PCLO: variants seen among roughly 807,000 people sequenced by gnomAD.
PCLO encodes protein piccolo.
Under a neutral mutation model 427.5 loss-of-function variants are expected in PCLO, and 82 were observed. The ratio of observed to expected loss-of-function variants is 0.19; its 90% confidence interval spans 0.16 to 0.23. PCLO has a LOEUF of 0.23. Among genes scored for constraint, PCLO ranks in the 10% least tolerant of loss-of-function variants. The probability of loss-of-function intolerance (pLI) is 1.00; values close to 1 mark genes in which losing one functional copy is unlikely to be tolerated. For missense variants in PCLO, 6,239 were observed against 6,115.9 expected, an observed-to-expected ratio of 1.02 and a Z score of -0.67; for synonymous variants, 2,357 against 2,155.4, an observed-to-expected ratio of 1.09 and a Z score of -2.59.
chr7:82,877,789 C>G (rs1220996759), intron 10 of PCLO, among the ~76,000 whole-genome samples: 1 of 152,130 alleles, frequency 6.6e-6, no homozygotes, highest in Non-Finnish European at 1.5e-5. Context: ...CCTCAGCCTC[C>G]CGAATAGCTG....
rs546537613 is a variant in PCLO, at chr7:82,949,553, T to C, written c.11035A>G (p.Met3679Val). ...GGACTCAGAGGCTTGGGGTCAGACA[T>C]AGAACGCTGCATCATCTTGGCTGTC... Reference protein sequence around the residue: ...PKTAKMMQRSMSDPKPLSPTA... With the variant: ...PKTAKMMQRSVSDPKPLSPTA... The change falls in exon 6 of 25, where the codon ATG becomes GTG. Residue 3679 changes from methionine to valine, a missense_variant. Met to Val is a conservative substitution (Grantham distance 21). Transcript: ENST00000333891. The C allele has an allele frequency of 9.3e-6, 15 of 1,613,884 alleles. No individual in the cohort carries two copies. The highest frequency in any genetic ancestry group is 5.3e-5 in the African/African-American group (4 of 75,028).
intron 3 of PCLO, among the ~76,000 whole-genome samples, chr7:83,074,443 A>G (rs569712344): frequency 2.0e-5 from 3 of 152,168 alleles, no homozygotes; most frequent in East Asian, 3.9e-4. Context: ...GTGAGGCCCA[A>G]TTATGTAAAA....
intron 8 of PCLO, among the ~76,000 whole-genome samples, chr7:82,903,723 A>T (rs17156824): frequency 0.026 from 3,881 of 152,060 alleles, 186 homozygotes; most frequent in African/African-American, 0.088. Flanking sequence ...CTTAAATTAC[A>T]ACCAAAATAA....
At chr7:82,838,485 G>C in intron 14 of PCLO, 143 bp from the exon 15 acceptor site, 1 of 542,668 alleles carries the variant, frequency 1.8e-6, no homozygotes, top group Non-Finnish European at 3.2e-6. Flanking sequence ...AAACAGACCA[G>C]TTAATGTCTA....
chr7:83,012,066 T>A (rs1324911623), intron 3 of PCLO, among the ~76,000 whole-genome samples: 2 of 152,130 alleles, frequency 1.3e-5, no homozygotes, highest in Non-Finnish European at 2.9e-5. Context: ...ACACTATTTT[T>A]AAAAACTCAC....
intron 3 of PCLO, among the ~76,000 whole-genome samples, chr7:83,063,545 C>A (rs539185488): frequency 1.2e-4 from 18 of 152,074 alleles, no homozygotes; most frequent in African/African-American, 4.3e-4. Flanking sequence ...GGATTTTGCC[C>A]AATTCTAGGC....
intron 3 of PCLO, among the ~76,000 whole-genome samples, chr7:82,979,613 C>T (rs1294731734): frequency 6.6e-6 from 1 of 152,150 alleles, no homozygotes; most frequent in East Asian, 1.9e-4. Flanking sequence ...CATTTTGTTT[C>T]TATCAGCAAA....
At chr7:83,015,324 G>GA (rs1554375740) in intron 3 of PCLO, among the ~76,000 whole-genome samples, 7 of 147,204 alleles carry the variant, frequency 4.8e-5, no homozygotes, top group African/African-American at 1.5e-4. Flanking sequence ...CTAGGTCTAG[G>GA]TTTTTTTTTT....
chr7:83,108,659 T>C (rs1790927482), intron 3 of PCLO, among the ~76,000 whole-genome samples: 1 of 152,138 alleles, frequency 6.6e-6, no homozygotes, highest in South Asian at 2.1e-4. Context: ...TTCAATATTT[T>C]TGATGAGCTA....
chr7:82,966,972 C>T (rs1355527462), intron 3 of PCLO, among the ~76,000 whole-genome samples: 1 of 151,974 alleles, frequency 6.6e-6, no homozygotes, highest in Non-Finnish European at 1.5e-5. Flanking sequence ...TGACTTGGGC[C>T]AAATATAGTT....
intron 22 of PCLO, among the ~76,000 whole-genome samples, chr7:82,765,331 C>T (rs555528382): frequency 6.6e-6 from 1 of 151,552 alleles, no homozygotes; most frequent in South Asian, 2.1e-4. Flanking sequence ...TAAATTCCAA[C>T]TCAAAATCTA....
intron 9 of PCLO, among the ~76,000 whole-genome samples, chr7:82,901,942 A>G (rs1248507856): frequency 6.6e-6 from 1 of 151,402 alleles, no homozygotes; most frequent in Non-Finnish European, 1.5e-5. Context: ...GCTGGAGAGG[A>G]TGTGGAGAAA....
Position 83,072,086 on chromosome 7 carries a change from T to C in PCLO, c.3300+62164A>G, listed in dbSNP as rs1421940679. Reference sequence around the variant, plus strand: ...AGCTTAATGTAAATTGAAGAAACATTTTCTAAAAAACAATTATTTATCATT... The same window carrying C: ...AGCTTAATGTAAATTGAAGAAACATCTTCTAAAAAACAATTATTTATCATT... On this transcript the variant is annotated intron_variant, in intron 3 of 24. Transcript: ENST00000333891. 6.6e-5 allele frequency among the ~76,000 whole-genome samples: 10 copies of C among 152,174 alleles called. No homozygotes were observed. The East Asian group carries it at 1.7e-3, about 26-fold the overall frequency.
At position 83,008,174 on chromosome 7, in the gene PCLO, C is replaced by G. The variant is rs540652543; in HGVS notation, c.3301-41687G>C. On this transcript the variant is annotated intron_variant, in intron 3 of 24. Coordinates refer to ENST00000333891, the MANE Select transcript of PCLO (RefSeq NM_033026.6). ...GTTTATTATAGGATTCCACTCTCTT[C>G]CCTGCTGTGAAAAATAAAGATTGTA... Among the ~76,000 whole-genome samples the G allele has an allele frequency of 1.8e-3, 278 of 151,720 alleles. 3 individuals carry two copies. Among genetic ancestry groups the G allele is most frequent in the African/African-American group, 6.5e-3 (270 of 41,498 alleles).
At chr7:83,017,241 GA>G (rs1788231080) in intron 3 of PCLO, among the ~76,000 whole-genome samples, 2 of 152,032 alleles carry the variant, frequency 1.3e-5, no homozygotes, top group African/African-American at 4.8e-5. Context: ...AGATGGGTAA[GA>G]AATGAATAAA....
At chr7:83,096,272 C>CAA (rs75317517) in intron 3 of PCLO, among the ~76,000 whole-genome samples, 69,536 of 151,638 alleles carry the variant, frequency 0.46, 16,326 homozygotes, top group East Asian at 0.71. Flanking sequence ...CAAGACCTTG[C>CAA]AAGAGACTTG....
At position 82,756,700 on chromosome 7, in the gene PCLO, T is replaced by A. The variant is rs903528545; in HGVS notation, c.*1875A>T. 1 of 152,024 alleles carries A rather than the reference T, an allele frequency of 6.6e-6. No individual in the cohort carries two copies. Among genetic ancestry groups the A allele is most frequent in the Admixed American group, 6.6e-5 (1 of 15,238 alleles). 9.4% of individuals were successfully genotyped at this position (152,024 alleles called of 1,614,324 possible). A position where few individuals can be genotyped will look rare whatever the true frequency, so the allele number is the denominator to read the frequency against. On this transcript the variant is annotated 3_prime_UTR_variant, in exon 25 of 25. Transcript: ENST00000333891. The stretch of plus-strand genomic sequence containing the variant: ...TCTAATTCCACTAACACTTCACCCT[T>A]AAATAAAGCAGCAGGTTTTAAGCTC...
intron 6 of PCLO, among the ~76,000 whole-genome samples, chr7:82,928,511 G>C (rs1794767124): frequency 6.6e-6 from 1 of 152,088 alleles, no homozygotes; most frequent in South Asian, 2.1e-4. Flanking sequence ...CTCCCGAGTA[G>C]CTGGGATTAC....
chr7:82,890,552 A>G (rs1793733600), intron 9 of PCLO, among the ~76,000 whole-genome samples: 1 of 151,960 alleles, frequency 6.6e-6, no homozygotes, highest in South Asian at 2.1e-4. Context: ...GTTAGTCCAC[A>G]TTATTTAAAA....
Sources: allele counts gnomAD v4.1 joint callset (sites outside exome capture counted in the v4.1 genomes callset), GRCh38; gene constraint gnomAD v4.1.1; transcripts MANE v1.5; gene names NCBI Gene and HGNC (gene_info 2026-07-23, HGNC 2026-07-21).